Variants in CTNND2 observed in about 807,000 individuals in gnomAD.
CTNND2 encodes catenin delta-2.
Under a neutral mutation model 144.4 loss-of-function variants are expected in CTNND2, and 22 were observed. The observed-to-expected ratio is 0.15, with a 90% confidence interval of 0.11 to 0.22. CTNND2 has a LOEUF of 0.22. CTNND2 is among the 10% of genes least tolerant of loss of function. The pLI is 1.00. For synonymous variants in CTNND2, 751 were observed against 695.6 expected (o/e 1.08, Z -1.25); for missense variants, 1,353 against 1,618.8 (o/e 0.84, Z 2.82).
chr5:11,106,203 T>C (rs1752413348), intron 14 of CTNND2, among the ~76,000 whole-genome samples: 1 of 152,192 alleles, frequency 6.6e-6, no homozygotes, highest in Admixed American at 6.5e-5. Flanking sequence ...ATTTCACTTC[T>C]AAGAATGCAC....
intron 14 of CTNND2, among the ~76,000 whole-genome samples, chr5:11,098,949 G>C (rs909598162): frequency 6.6e-6 from 1 of 152,170 alleles, no homozygotes; most frequent in Non-Finnish European, 1.5e-5. Context: ...GCTTGGGATC[G>C]AGGGTGGAGG....
chr5:11,416,251 T>A (rs982969124), intron 3 of CTNND2, among the ~76,000 whole-genome samples: 12 of 152,302 alleles, frequency 7.9e-5, no homozygotes, highest in African/African-American at 2.9e-4. Context: ...CTCTATCAAA[T>A]GTGTTTCAAT....
chr5:11,854,975 T>C (rs577171523), intron 1 of CTNND2, among the ~76,000 whole-genome samples: 3 of 152,344 alleles, frequency 2.0e-5, no homozygotes, highest in African/African-American at 7.2e-5. Context: ...TGGTGCGCTG[T>C]CATTTTTCAT....
At chr5:11,838,083 CT>C (rs1187971824) in intron 1 of CTNND2, among the ~76,000 whole-genome samples, 3 of 152,142 alleles carry the variant, frequency 2.0e-5, no homozygotes, top group African/African-American at 7.2e-5. Context: ...AGCTTCTGTT[CT>C]AGGAACACCA....
At chr5:11,900,528 T>C (rs1280043166) in intron 1 of CTNND2, among the ~76,000 whole-genome samples, 1 of 152,228 alleles carries the variant, frequency 6.6e-6, no homozygotes, top group Non-Finnish European at 1.5e-5. Flanking sequence ...AAACTATTTA[T>C]TGATGACATG....
At chr5:11,793,448 A>C (rs1791242761) in intron 1 of CTNND2, among the ~76,000 whole-genome samples, 1 of 152,196 alleles carries the variant, frequency 6.6e-6, no homozygotes, top group East Asian at 1.9e-4. Flanking sequence ...CTATTTGGAA[A>C]TAGGATTGTT....
intron 1 of CTNND2, among the ~76,000 whole-genome samples, chr5:11,816,148 T>C (rs1221316157): frequency 1.3e-5 from 2 of 152,170 alleles, no homozygotes; most frequent in Non-Finnish European, 2.9e-5. Flanking sequence ...TGGAGAAACC[T>C]ACAAACACAT....
chr5:11,128,821 ATAT>A (rs1290394282), intron 12 of CTNND2, among the ~76,000 whole-genome samples: 2 of 74,986 alleles, frequency 2.7e-5, no homozygotes, highest in Admixed American at 2.4e-4. Flanking sequence ...TATATAATAT[ATAT>A]TATATATTAT....
chr5:11,177,560 A>G (rs926577562), intron 11 of CTNND2, among the ~76,000 whole-genome samples: 1 of 152,198 alleles, frequency 6.6e-6, no homozygotes, highest in East Asian at 1.9e-4. Flanking sequence ...ATGTATTATA[A>G]GTTATTAAGA....
chr5:11,261,588 A>G (rs1744863000), intron 9 of CTNND2, among the ~76,000 whole-genome samples: 1 of 152,244 alleles, frequency 6.6e-6, no homozygotes, highest in Non-Finnish European at 1.5e-5. Context: ...GAACAAACCA[A>G]GGGTCATGTG....
chr5:11,575,537 T>A (rs1378824234), intron 2 of CTNND2, among the ~76,000 whole-genome samples: 1 of 152,210 alleles, frequency 6.6e-6, no homozygotes, highest in East Asian at 1.9e-4. Flanking sequence ...TTAGGAATAA[T>A]GTTTTTCAGA....
At chr5:10,983,723 C>T (rs147246394) in intron 20 of CTNND2, among the ~76,000 whole-genome samples, 29 of 152,290 alleles carry the variant, frequency 1.9e-4, no homozygotes, top group Middle Eastern at 3.4e-3. Flanking sequence ...ATTCCTCCAT[C>T]CACCCTGTTA....
intron 1 of CTNND2, among the ~76,000 whole-genome samples, chr5:11,802,209 T>C (rs1251315810): frequency 6.9e-6 from 1 of 143,984 alleles, no homozygotes; most frequent in African/African-American, 2.6e-5. Context: ...GAGGCAGAGA[T>C]TGCAGTGAGC....
intron 1 of CTNND2, among the ~76,000 whole-genome samples, chr5:11,841,867 C>T (rs1794491162): frequency 6.6e-6 from 1 of 151,358 alleles, no homozygotes; most frequent in South Asian, 2.1e-4. Context: ...AGTATCCATC[C>T]AATTCCAATG....
At chr5:11,267,087 C>T (rs1479829085) in intron 9 of CTNND2, among the ~76,000 whole-genome samples, 1 of 152,198 alleles carries the variant, frequency 6.6e-6, no homozygotes, top group Non-Finnish European at 1.5e-5. Context: ...CCATGTTGGC[C>T]AGTCTGGCCT....
intron 9 of CTNND2, among the ~76,000 whole-genome samples, chr5:11,296,633 C>T (rs1749046267): frequency 6.6e-6 from 1 of 152,164 alleles, no homozygotes; most frequent in Non-Finnish European, 1.5e-5. Flanking sequence ...CACATATACA[C>T]CATGGAATAC....
chr5:11,312,172 AT>A (rs1751035218), intron 9 of CTNND2, among the ~76,000 whole-genome samples: 1 of 60,010 alleles, frequency 1.7e-5, no homozygotes, highest in Non-Finnish European at 3.3e-5. Context: ...ATACACCGTC[AT>A]CCCCCACACT....
intron 1 of CTNND2, among the ~76,000 whole-genome samples, chr5:11,842,606 C>T (rs1216866052): frequency 2.6e-5 from 4 of 151,718 alleles, no homozygotes; most frequent in Admixed American, 6.6e-5. Context: ...GTAGTCCCAG[C>T]TACTCAGGAG....
chr5:11,449,209 C>T (rs1443315338), intron 3 of CTNND2, among the ~76,000 whole-genome samples: 2 of 152,054 alleles, frequency 1.3e-5, no homozygotes, highest in African/African-American at 2.4e-5. Flanking sequence ...AATATCATTC[C>T]TTTATTTCAA....
Sources: allele counts gnomAD v4.1 joint callset (sites outside exome capture counted in the v4.1 genomes callset), GRCh38; gene constraint gnomAD v4.1.1; transcripts MANE v1.5; gene names NCBI Gene and HGNC (gene_info 2026-07-23, HGNC 2026-07-21).